Variants in ANGPT2 observed in about 807,000 individuals in gnomAD.
ANGPT2 encodes the protein angiopoietin 2, also known as angiopoietin-2.
ANGPT2 carries 28 observed loss-of-function variants against 62.9 expected under a neutral mutation model. That is an observed-to-expected ratio of 0.44 (90% CI 0.33 to 0.61). The LOEUF is 0.61. Among genes scored for constraint, ANGPT2 ranks in the 20% least tolerant of loss-of-function variants. ANGPT2 has a pLI of 0.03. For synonymous variants in ANGPT2, 284 were observed against 207.8 expected (o/e 1.37, Z -3.15); for missense variants, 727 against 594.9 (o/e 1.22, Z -2.31).
At position 6,501,459 on chromosome 8, in the gene ANGPT2, G is replaced by C. The variant is rs1340593308; in HGVS notation, c.*1642C>G. 6.6e-6 allele frequency: 1 copy of C among 151,576 alleles called. No individual in the cohort carries two copies. Among genetic ancestry groups the C allele is most frequent in the Non-Finnish European group, 1.5e-5 (1 of 67,948 alleles). 9.4% of individuals were successfully genotyped at this position (151,576 alleles called of 1,614,324 possible). ...ACACAAATGTTCATTAGTATTAATT[G>C]TACTATGAAAATTTCAAAAGGAGTT... On this transcript the variant is annotated 3_prime_UTR_variant, in exon 9 of 9. Coordinates refer to ENST00000629816, the MANE Select transcript of ANGPT2 (RefSeq NM_001118887.2).
chr8:6,532,031 C>G (rs915593418), intron 2 of ANGPT2, among the ~76,000 whole-genome samples: 1 of 152,142 alleles, frequency 6.6e-6, no homozygotes, highest in African/African-American at 2.4e-5. Context: ...CCAGAAAGCA[C>G]CAGGGAGACA....
chr8:6,515,222 C>G (rs948274929), intron 5 of ANGPT2, among the ~76,000 whole-genome samples: 1 of 151,996 alleles, frequency 6.6e-6, no homozygotes, highest in Non-Finnish European at 1.5e-5. Flanking sequence ...CCCTGCCCCT[C>G]CACAGAGAGC....
chr8:6,506,673 C>T lies in ANGPT2; in HGVS notation c.1327+2259G>A, dbSNP rs75172481. 7.4e-3 allele frequency among the ~76,000 whole-genome samples: 1,115 copies of T among 151,628 alleles called. 11 individuals are homozygous for T. The highest frequency in any genetic ancestry group is 0.026 in the African/African-American group (1,055 of 41,306). On this transcript the variant is annotated intron_variant, in intron 8 of 8. Transcript: ENST00000629816. ...GGATGAAGGAAACAGGAAGCTTTTG[C>T]AAAATCAATAGGAGGGCTTTGCTCA... is the stretch of plus-strand genomic sequence containing the variant.
At chr8:6,531,352 G>A (rs1229351998) in intron 2 of ANGPT2, among the ~76,000 whole-genome samples, 3 of 150,036 alleles carry the variant, frequency 2.0e-5, no homozygotes, top group Non-Finnish European at 4.4e-5. Flanking sequence ...GCAGTGGCAC[G>A]ATCTCAACTC....
rs997563664 is a variant in ANGPT2, at chr8:6,509,464, A to AG, written c.1197-403dup. Among the ~76,000 whole-genome samples, 17 of 152,274 alleles carry AG rather than the reference A, an allele frequency of 1.1e-4. No individual in the cohort carries two copies. In the East Asian group the frequency reaches 3.1e-3, roughly 28 times the overall value. On this transcript the variant is annotated intron_variant, in intron 7 of 8. Coordinates refer to ENST00000629816, the MANE Select transcript of ANGPT2 (RefSeq NM_001118887.2). ...GACAACCTCAAACATTATTTTCCGCAGGGGGCCCCGGGGGGGATGGAGAAT... is the reference window on the plus strand; with the variant it reads ...GACAACCTCAAACATTATTTTCCGCAGGGGGGCCCCGGGGGGGATGGAGAAT...
At chr8:6,519,696 G>C (rs1010239783) in intron 5 of ANGPT2, among the ~76,000 whole-genome samples, 168 bp downstream of exon 5, 2 of 152,202 alleles carry the variant, frequency 1.3e-5, no homozygotes, top group Admixed American at 6.5e-5. Context: ...GCGGCACTTA[G>C]AGCCCTTGGC....
At chr8:6,555,797 A>G (rs534491254) in intron 1 of ANGPT2, among the ~76,000 whole-genome samples, 3 of 152,236 alleles carry the variant, frequency 2.0e-5, no homozygotes, top group African/African-American at 7.2e-5. Context: ...GAACGATTAA[A>G]TAGTTGTACC....
chr8:6,505,228 T>C (rs1813093409), intron 8 of ANGPT2, among the ~76,000 whole-genome samples: 1 of 44,520 alleles, frequency 2.2e-5, no homozygotes, highest in Non-Finnish European at 3.8e-5. Context: ...TATATTCTTA[T>C]GTATATATAG....
chr8:6,536,972 G>GGA (rs555098384), intron 1 of ANGPT2, among the ~76,000 whole-genome samples: 16 of 102,286 alleles, frequency 1.6e-4, no homozygotes, highest in Non-Finnish European at 2.2e-4. Flanking sequence ...CTTAGTACAA[G>GGA]AAAAAAAAAA....
intron 7 of ANGPT2, among the ~76,000 whole-genome samples, chr8:6,509,533 C>A (rs909013910): frequency 6.6e-6 from 1 of 152,156 alleles, no homozygotes; most frequent in African/African-American, 2.4e-5. Context: ...AAGAAATCTA[C>A]AGAACGGTGC....
intron 7 of ANGPT2, among the ~76,000 whole-genome samples, chr8:6,512,102 G>T (rs1441269224): frequency 2.0e-5 from 3 of 151,868 alleles, no homozygotes; most frequent in African/African-American, 7.3e-5. Flanking sequence ...CTCTCCAGGA[G>T]AGCCTGATCT....
chr8:6,527,302 G>A (rs536200849), intron 3 of ANGPT2, among the ~76,000 whole-genome samples: 4 of 152,310 alleles, frequency 2.6e-5, no homozygotes, highest in Admixed American at 6.5e-5. Flanking sequence ...CTGAGGCAGG[G>A]TTTGGAGGAT....
intron 2 of ANGPT2, among the ~76,000 whole-genome samples, chr8:6,530,798 C>G (rs1400913899): frequency 1.3e-5 from 2 of 152,184 alleles, no homozygotes; most frequent in African/African-American, 4.8e-5. Flanking sequence ...ACTGTTTTCT[C>G]TGACCTCATC....
At chr8:6,555,029 C>CT (rs1292501290) in intron 1 of ANGPT2, among the ~76,000 whole-genome samples, 1 of 151,930 alleles carries the variant, frequency 6.6e-6, no homozygotes, top group Non-Finnish European at 1.5e-5. Context: ...GTTCCTTCCC[C>CT]TTTTTTTTAA....
rs1003309006 is a variant in ANGPT2, at chr8:6,504,196, T to C, written c.1328-935A>G. Reference sequence around the variant, plus strand: ...AGCCGGGCGTGGTGGCGGACGCCTGTAGTCCCAGCTACTCGGGAGGCTGAG... The same window carrying C: ...AGCCGGGCGTGGTGGCGGACGCCTGCAGTCCCAGCTACTCGGGAGGCTGAG... On this transcript the variant is annotated intron_variant, in intron 8 of 8. Transcript: ENST00000629816. Among the ~76,000 whole-genome samples, 10 of 150,878 alleles carry C rather than the reference T, an allele frequency of 6.6e-5. No homozygotes were observed. The Admixed American group carries it at 6.7e-4, about 10-fold the overall frequency.
chr8:6,502,997 C>G lies in ANGPT2; in HGVS notation c.*104G>C. ...GGTCCCGTCAGCACCGAGCACACGC[C>G]CTCTGTGGTGGAAGAGGACACAGTG... On this transcript the variant is annotated 3_prime_UTR_variant, in exon 9 of 9. Coordinates refer to ENST00000629816, the MANE Select transcript of ANGPT2 (RefSeq NM_001118887.2). 7.2e-7 allele frequency: 1 copy of G among 1,379,418 alleles called. No individual in the cohort carries two copies. Among genetic ancestry groups the G allele is most frequent in the Non-Finnish European group, 1.0e-6 (1 of 993,100 alleles). The allele number at this position is 1,379,418 out of a possible 1,614,324, so 85.4% of individuals were successfully genotyped here. A position where few individuals can be genotyped will look rare whatever the true frequency, so the allele number is the denominator to read the frequency against.
chr8:6,551,472 G>A (rs1441641542), intron 1 of ANGPT2, among the ~76,000 whole-genome samples: 5 of 152,220 alleles, frequency 3.3e-5, no homozygotes, highest in African/African-American at 1.2e-4. Flanking sequence ...CCAGAAGGGA[G>A]CCATGCTGTA....
At chr8:6,508,746 A>G (rs1442162065) in intron 8 of ANGPT2, 186 bp downstream of exon 8, 3 of 799,720 alleles carry the variant, frequency 3.8e-6, no homozygotes, top group Admixed American at 2.4e-5. Flanking sequence ...GCTCCATATC[A>G]TATTCTCACT....
At chr8:6,551,715 T>G (rs1823679076) in intron 1 of ANGPT2, among the ~76,000 whole-genome samples, 1 of 152,240 alleles carries the variant, frequency 6.6e-6, no homozygotes, top group South Asian at 2.1e-4. Context: ...TAAGAACCTA[T>G]TCCTTAATAG....
Sources: gnomAD v4.1 joint callset for allele counts (sites outside exome capture counted in the v4.1 genomes callset) on GRCh38, gnomAD v4.1.1 for gene constraint, MANE v1.5 for transcripts, NCBI Gene and HGNC (gene_info 2026-07-23, HGNC 2026-07-21) for gene names.